Variants in RELL1 observed in about 807,000 individuals in gnomAD.
The protein encoded by RELL1 is RELT-like protein 1.
Under a neutral mutation model 23.0 loss-of-function variants are expected in RELL1, and 10 were observed. That is an observed-to-expected ratio of 0.43 (90% confidence interval 0.27 to 0.74). RELL1 has a LOEUF of 0.74. Among genes scored for constraint, RELL1 ranks in the 30% least tolerant of loss-of-function variants. The probability of loss-of-function intolerance (pLI) is 0.19; values close to 1 mark genes in which losing one functional copy is unlikely to be tolerated. For missense variants in RELL1, 315 were observed against 364.4 expected (o/e 0.86, Z 1.10); for synonymous variants, 146 against 146.8 (o/e 0.99, Z 0.04).
At chr4:37,638,227 C>T (rs1378364029) in intron 4 of RELL1, among the ~76,000 whole-genome samples, 1 of 152,156 alleles carries the variant, frequency 6.6e-6, no homozygotes, top group Non-Finnish European at 1.5e-5. Flanking sequence ...AGGGTGGGGG[C>T]AGGGGATGCT....
At chr4:37,657,450 G>A (rs1490049503) in intron 1 of RELL1, among the ~76,000 whole-genome samples, 1 of 152,190 alleles carries the variant, frequency 6.6e-6, no homozygotes, top group Non-Finnish European at 1.5e-5. Context: ...TGAAACCAAA[G>A]TATTTATATG....
chr4:37,644,449 T>C lies in RELL1; in HGVS notation c.385+2919A>G, dbSNP rs548209170. Among the ~76,000 whole-genome samples, 16 of 147,624 alleles carry C rather than the reference T, an allele frequency of 1.1e-4. 1 individual carries two copies. The South Asian group carries it at 3.6e-3, about 33-fold the overall frequency. On this transcript the variant is annotated intron_variant, in intron 3 of 6. Coordinates refer to ENST00000454158, the MANE Select transcript of RELL1 (RefSeq NM_001085400.2). ...ACTTTTATTTTTATTTTTATTTATT[T>C]ATTTATTTATTTATTTATTTATTTA...
rs545722493 is a variant in RELL1 at position 37,641,564 on chromosome 4, T to C, written c.386-3060A>G. On this transcript the variant is annotated intron_variant, in intron 3 of 6. Coordinates refer to ENST00000454158, the MANE Select transcript of RELL1 (RefSeq NM_001085400.2). ...CGGCATTTTGTCAACTACACTTCCT[T>C]TCCCCACCTTCCCCAAAATGGGAGG... Among the ~76,000 whole-genome samples the C allele has an allele frequency of 6.6e-5, 10 of 152,298 alleles. No homozygotes were observed. The East Asian group carries it at 1.9e-3, about 29-fold the overall frequency.
chr4:37,638,304 C>T (rs1000223269), intron 4 of RELL1, 143 bp downstream of exon 4: 4 of 682,748 alleles, frequency 5.9e-6, no homozygotes, highest in East Asian at 5.1e-5. Flanking sequence ...CAGTTCCGCA[C>T]AGCAAAGAAC....
chr4:37,611,882 AGCAGGGTTCTAG>A lies in RELL1; in HGVS notation c.*1452_*1463del, dbSNP rs1719394432. On this transcript the variant is annotated 3_prime_UTR_variant, in exon 7 of 7. Transcript: ENST00000454158. Reference sequence around the variant, plus strand: ...AGGTGCAGGCCCATCTTATATGAGAAGCAGGGTTCTAGGCCGGGCGCAGTGGCTCAAGCCTGT... The same window carrying A: ...AGGTGCAGGCCCATCTTATATGAGAAGCCGGGCGCAGTGGCTCAAGCCTGT... Among the ~76,000 whole-genome samples, 1 of 152,330 alleles carries A rather than the reference AGCAGGGTTCTAG, an allele frequency of 6.6e-6. No individual in the cohort carries two copies. The highest frequency in any genetic ancestry group is 2.1e-4 in the South Asian group (1 of 4,828).
At chr4:37,661,727 A>G (rs1162587632) in intron 1 of RELL1, among the ~76,000 whole-genome samples, 1 of 152,230 alleles carries the variant, frequency 6.6e-6, no homozygotes, top group African/African-American at 2.4e-5. Flanking sequence ...AAGACCATCT[A>G]CCCACAGTGG....
intron 1 of RELL1, among the ~76,000 whole-genome samples, chr4:37,667,850 T>G (rs1721591326): frequency 6.6e-6 from 1 of 152,156 alleles, no homozygotes; most frequent in Non-Finnish European, 1.5e-5. Context: ...GTTGGTTACT[T>G]CTCAGAAATC....
chr4:37,592,076 C>T (rs148549235), intron 6 of RELL1, among the ~76,000 whole-genome samples: 3,967 of 151,942 alleles, frequency 0.026, 74 homozygotes, highest in South Asian at 0.056. Context: ...GGCACGGTGG[C>T]GGGCGCCTGT....
chr4:37,646,459 G>A (rs1720714574), intron 3 of RELL1, among the ~76,000 whole-genome samples: 1 of 152,152 alleles, frequency 6.6e-6, no homozygotes, highest in African/African-American at 2.4e-5. Flanking sequence ...GGGAGTGGCT[G>A]CCTAAAGTGT....
intron 6 of RELL1, among the ~76,000 whole-genome samples, chr4:37,630,570 T>A (rs1027277958): frequency 6.6e-6 from 1 of 151,968 alleles, no homozygotes; most frequent in South Asian, 2.1e-4. Context: ...TTTCACCATG[T>A]TAGCCAGGAT....
intron 6 of RELL1, among the ~76,000 whole-genome samples, chr4:37,598,599 T>C (rs1001427035): frequency 6.6e-6 from 1 of 151,916 alleles, no homozygotes; most frequent in Non-Finnish European, 1.5e-5. Context: ...CATGGGAAAA[T>C]GGAGGCTCAA....
chr4:37,614,338 T>C (rs1183782708), intron 6 of RELL1, among the ~76,000 whole-genome samples: 1 of 151,970 alleles, frequency 6.6e-6, no homozygotes, highest in Admixed American at 6.6e-5. Flanking sequence ...TCAAAGAGAA[T>C]AGAGACAGAG....
At chr4:37,636,386 G>A (rs887322768) in intron 4 of RELL1, among the ~76,000 whole-genome samples, 2 of 152,110 alleles carry the variant, frequency 1.3e-5, no homozygotes, top group Non-Finnish European at 1.5e-5. Context: ...ACGAGGTCAG[G>A]AGATCGAGAC....
At chr4:37,646,164 G>C (rs1720704774) in intron 3 of RELL1, among the ~76,000 whole-genome samples, 1 of 152,204 alleles carries the variant, frequency 6.6e-6, no homozygotes, top group African/African-American at 2.4e-5. Flanking sequence ...CACAGCTATT[G>C]AGTAAGTGGG....
At chr4:37,606,452 G>C (rs1719224897), downstream of RELL1, among the ~76,000 whole-genome samples, 1 of 152,168 alleles carries the variant, frequency 6.6e-6, no homozygotes, top group African/African-American at 2.4e-5. The surrounding 1 kb of genome is among the most constrained non-coding windows in gnomAD (Gnocchi z 4.1). Context: ...CTGTGGATAT[G>C]ACCTTATCAG....
At chr4:37,598,977 G>A (rs2940989) in intron 6 of RELL1, among the ~76,000 whole-genome samples, 26,842 of 152,018 alleles carry the variant, frequency 0.18, 2,933 homozygotes, top group Non-Finnish European at 0.24. Flanking sequence ...GAGCCACCGC[G>A]CCTGGCCCAA....
At chr4:37,650,195 G>A (rs1720864497) in intron 1 of RELL1, among the ~76,000 whole-genome samples, 1 of 152,220 alleles carries the variant, frequency 6.6e-6, no homozygotes, top group Non-Finnish European at 1.5e-5. Context: ...AACAGGCGGA[G>A]ATTTGTTGTC....
chr4:37,595,903 T>C (rs1308972510), intron 6 of RELL1, among the ~76,000 whole-genome samples: 1 of 152,166 alleles, frequency 6.6e-6, no homozygotes, highest in East Asian at 1.9e-4. Flanking sequence ...TTGAACTCAA[T>C]CTTTAAAATC....
chr4:37,602,574 G>A lies in RELL1; in HGVS notation c.*4-11357C>T, dbSNP rs561261794. Among the ~76,000 whole-genome samples the A allele has an allele frequency of 3.3e-5, 5 of 152,094 alleles. No individual in the cohort carries two copies. The East Asian group carries it at 7.8e-4, about 24-fold the overall frequency. On this transcript the variant is annotated intron_variant, in intron 6 of 6. Coordinates refer to the RELL1 transcript ENST00000314117. ...CCAGTCACAGCCACTCTGATCAGCCGTGGGGGATGGACGCATGTAGACCCT... is the reference window on the plus strand; with the variant it reads ...CCAGTCACAGCCACTCTGATCAGCCATGGGGGATGGACGCATGTAGACCCT...
Sources: gnomAD v4.1 joint callset for allele counts (sites outside exome capture counted in the v4.1 genomes callset) on GRCh38, gnomAD v4.1.1 for gene constraint, Gnocchi (gnomAD v3.1) non-coding constraint, MANE v1.5 for transcripts, NCBI Gene and HGNC (gene_info 2026-07-23, HGNC 2026-07-21) for gene names.